The following NKAIN2 variants were observed in gnomAD, a reference collection of about 807,000 sequenced individuals.
NKAIN2 encodes sodium/potassium-transporting ATPase subunit beta-1-interacting protein 2.
In NKAIN2, 14 loss-of-function variants were observed where a neutral mutation model predicts 32.6. That is an observed-to-expected ratio of 0.43 (90% CI 0.28 to 0.67). The LOEUF (loss-of-function observed/expected upper bound fraction) is 0.67. Ranked by LOEUF, NKAIN2 falls within the 30% of genes least tolerant of loss-of-function variation. The pLI is 0.17. For synonymous variants in NKAIN2, 80 were observed against 87.2 expected (o/e 0.92, Z 0.46); for missense variants, 198 against 258.3 (o/e 0.77, Z 1.60).
intron 1 of NKAIN2, among the ~76,000 whole-genome samples, chr6:124,042,430 G>T (rs887852375): frequency 6.6e-6 from 1 of 152,022 alleles, no homozygotes; most frequent in Non-Finnish European, 1.5e-5. Flanking sequence ...TAGCTGCCAA[G>T]GGCTTCCAAA....
intron 1 of NKAIN2, among the ~76,000 whole-genome samples, chr6:124,006,493 T>C (rs1249502889): frequency 2.0e-5 from 3 of 152,196 alleles, no homozygotes; most frequent in African/African-American, 7.2e-5. Flanking sequence ...ATGCGGTGCA[T>C]GTGACATAAA....
intron 1 of NKAIN2, among the ~76,000 whole-genome samples, chr6:124,076,875 A>G (rs966889180): frequency 6.6e-6 from 1 of 152,180 alleles, no homozygotes; most frequent in Non-Finnish European, 1.5e-5. Context: ...ACAATCCCTC[A>G]TGCCTGGTTT....
At chr6:124,168,178 C>T (rs755416789) in intron 1 of NKAIN2, among the ~76,000 whole-genome samples, 1 of 152,260 alleles carries the variant, frequency 6.6e-6, no homozygotes, top group South Asian at 2.1e-4. Context: ...GTTCATATTA[C>T]ATCATTGTCA....
chr6:124,509,868 A>G (rs922591215), intron 3 of NKAIN2, among the ~76,000 whole-genome samples: 7 of 152,210 alleles, frequency 4.6e-5, no homozygotes, highest in Non-Finnish European at 1.0e-4. Context: ...ATGGCCATAT[A>G]AATATAGACA....
chr6:124,614,076 T>C (rs1423058925), intron 3 of NKAIN2, among the ~76,000 whole-genome samples: 2 of 152,088 alleles, frequency 1.3e-5, no homozygotes, highest in African/African-American at 4.8e-5. Flanking sequence ...CCTACCAAAT[T>C]TTTTCTCCTC....
At chr6:124,377,273 C>T (rs917434513) in intron 3 of NKAIN2, among the ~76,000 whole-genome samples, 1 of 152,088 alleles carries the variant, frequency 6.6e-6, no homozygotes, top group Non-Finnish European at 1.5e-5. Context: ...TCTTTCCTTC[C>T]TTCCTTTCTT....
At chr6:123,826,803 A>G (rs923672282) in intron 1 of NKAIN2, among the ~76,000 whole-genome samples, 5 of 152,170 alleles carry the variant, frequency 3.3e-5, no homozygotes, top group Non-Finnish European at 7.4e-5. Context: ...TGCTATGAAT[A>G]TAGGTGTACA....
chr6:124,414,032 TA>T (rs1296370061), intron 3 of NKAIN2, among the ~76,000 whole-genome samples: 2 of 151,228 alleles, frequency 1.3e-5, no homozygotes, highest in Non-Finnish European at 2.9e-5. Context: ...TTTTTTTTTT[TA>T]ATTACATTGC....
chr6:124,813,376 A>C (rs1781003809), intron 5 of NKAIN2, among the ~76,000 whole-genome samples: 1 of 152,186 alleles, frequency 6.6e-6, no homozygotes, highest in Non-Finnish European at 1.5e-5. Flanking sequence ...GAAAGAACAG[A>C]GTAAAAGATG....
At chr6:124,146,384 C>T (rs1372554490) in intron 1 of NKAIN2, among the ~76,000 whole-genome samples, 1 of 151,904 alleles carries the variant, frequency 6.6e-6, no homozygotes, top group African/African-American at 2.4e-5. Flanking sequence ...TACAGATTGT[C>T]AAGCATTAAA....
intron 1 of NKAIN2, among the ~76,000 whole-genome samples, chr6:123,939,860 A>G (rs1776736059): frequency 6.6e-6 from 1 of 151,846 alleles, no homozygotes; most frequent in Admixed American, 6.6e-5. Context: ...CTCCATAATG[A>G]CAGAATTCTT....
Position 124,703,003 on chromosome 6 carries a change from T to G in NKAIN2, c.474+44617T>G, listed in dbSNP as rs369553615. ...AACTCTGTGGGCTTAAAAGTCATCT[T>G]GAGCTCATGTGCTGGATAGAGTAAA... On this transcript the variant is annotated intron_variant, in intron 4 of 6. Coordinates refer to ENST00000368417, the MANE Select transcript of NKAIN2 (RefSeq NM_001040214.3). Among the ~76,000 whole-genome samples the G allele has an allele frequency of 6.6e-5, 10 of 152,238 alleles. No homozygotes were observed. In the South Asian group the frequency reaches 2.1e-3, roughly 32 times the overall value.
intron 1 of NKAIN2, among the ~76,000 whole-genome samples, chr6:124,123,960 C>T (rs1337476295): frequency 1.3e-5 from 2 of 152,010 alleles, no homozygotes; most frequent in East Asian, 1.9e-4. Flanking sequence ...ATGCAGGATA[C>T]TGATTCATCA....
chr6:124,451,940 A>C (rs569273613), intron 3 of NKAIN2, among the ~76,000 whole-genome samples: 1 of 152,230 alleles, frequency 6.6e-6, no homozygotes, highest in African/African-American at 2.4e-5. Context: ...AAAGCCTGTA[A>C]TCCCAGCACT....
intron 1 of NKAIN2, among the ~76,000 whole-genome samples, chr6:123,884,911 G>T (rs997086321): frequency 6.6e-5 from 10 of 152,046 alleles, no homozygotes; most frequent in African/African-American, 2.4e-4. Flanking sequence ...TTAATTGATT[G>T]TAGTAAATAT....
intron 1 of NKAIN2, among the ~76,000 whole-genome samples, chr6:123,847,553 G>C (rs1775143663): frequency 6.6e-6 from 1 of 151,870 alleles, no homozygotes. Context: ...TTATGAACTT[G>C]AGTATATTAC....
chr6:124,579,265 A>G (rs770972971), intron 3 of NKAIN2, among the ~76,000 whole-genome samples: 1 of 152,224 alleles, frequency 6.6e-6, no homozygotes. Flanking sequence ...TAAATAAGGC[A>G]CCAGGGGCCA....
At chr6:123,830,652 A>C (rs940609781) in intron 1 of NKAIN2, among the ~76,000 whole-genome samples, 1 of 152,222 alleles carries the variant, frequency 6.6e-6, no homozygotes, top group African/African-American at 2.4e-5. Flanking sequence ...ATTTAGAAAC[A>C]ACTTGTATTT....
chr6:124,427,293 T>G (rs975823841), intron 3 of NKAIN2, among the ~76,000 whole-genome samples: 18 of 152,176 alleles, frequency 1.2e-4, no homozygotes, highest in Admixed American at 1.1e-3. Flanking sequence ...TAAATTGTGA[T>G]GTATCCATAC....
Sources: gnomAD v4.1 joint callset for allele counts (sites outside exome capture counted in the v4.1 genomes callset) on GRCh38, gnomAD v4.1.1 for gene constraint, MANE v1.5 for transcripts, NCBI Gene and HGNC (gene_info 2026-07-23, HGNC 2026-07-21) for gene names.